Variants in PTPRD observed in about 807,000 individuals in gnomAD.
The protein encoded by PTPRD is receptor-type tyrosine-protein phosphatase delta.
PTPRD carries 34 observed loss-of-function variants against 214.5 expected under a neutral mutation model. The ratio of observed to expected loss-of-function variants is 0.16; its 90% CI spans 0.12 to 0.21. The LOEUF is 0.21. Among genes scored for constraint, PTPRD ranks in the 10% least tolerant of loss-of-function variants. PTPRD has a pLI of 1.00. For synonymous variants in PTPRD, 1,128 were observed against 845.7 expected (o/e 1.33, Z -5.79); for missense variants, 2,545 against 2,398.7 (o/e 1.06, Z -1.27).
intron 12 of PTPRD, among the ~76,000 whole-genome samples, chr9:8,642,983 G>C (rs2096610080): frequency 6.6e-6 from 1 of 152,266 alleles, no homozygotes; most frequent in African/African-American, 2.4e-5. Context: ...TTCCATAGCA[G>C]AGGTTCTACA....
At chr9:9,854,568 A>G (rs954247837) in intron 5 of PTPRD, among the ~76,000 whole-genome samples, 1 of 152,126 alleles carries the variant, frequency 6.6e-6, no homozygotes, top group East Asian at 1.9e-4. Flanking sequence ...ACTGGTATAT[A>G]TAAATTTAAC....
At chr9:8,595,733 G>A (rs998503771) in intron 14 of PTPRD, among the ~76,000 whole-genome samples, 1 of 152,140 alleles carries the variant, frequency 6.6e-6, no homozygotes, top group African/African-American at 2.4e-5. Context: ...CTGTATTGGA[G>A]GTCATAATAA....
At chr9:9,481,791 AG>A (rs2095425205) in intron 8 of PTPRD, among the ~76,000 whole-genome samples, 1 of 152,168 alleles carries the variant, frequency 6.6e-6, no homozygotes. Context: ...AGAGAATCAC[AG>A]AAACAGAGTT....
intron 11 of PTPRD, among the ~76,000 whole-genome samples, chr9:8,971,666 T>C (rs13289308): frequency 0.083 from 12,544 of 151,594 alleles, 568 homozygotes; most frequent in East Asian, 0.18. Context: ...AATCATCCTA[T>C]CTAACGAGAT....
intron 12 of PTPRD, among the ~76,000 whole-genome samples, chr9:8,698,066 T>C (rs764407073): frequency 3.7e-4 from 56 of 152,198 alleles, no homozygotes; most frequent in Non-Finnish European, 5.3e-4. Context: ...TATAAATTTG[T>C]GAAACTTTAT....
intron 2 of PTPRD, among the ~76,000 whole-genome samples, chr9:10,529,887 C>G (rs1482066541): frequency 6.6e-6 from 1 of 151,290 alleles, no homozygotes; most frequent in Admixed American, 6.6e-5. Context: ...GGGAACATCA[C>G]ACACTGGGGC....
intron 14 of PTPRD, among the ~76,000 whole-genome samples, chr9:8,582,808 G>A (rs1164451823): frequency 6.6e-6 from 1 of 152,158 alleles, no homozygotes; most frequent in African/African-American, 2.4e-5. Context: ...GACAATCACT[G>A]GAGACAAATG....
chr9:10,382,853 T>G (rs1436137538), intron 2 of PTPRD, among the ~76,000 whole-genome samples: 1 of 151,860 alleles, frequency 6.6e-6, no homozygotes, highest in East Asian at 1.9e-4. Context: ...TTTTTAAATT[T>G]TTTATATAAA....
At chr9:10,047,501 A>T (rs1196981937) in intron 3 of PTPRD, among the ~76,000 whole-genome samples, 1 of 152,060 alleles carries the variant, frequency 6.6e-6, no homozygotes, top group African/African-American at 2.4e-5. Flanking sequence ...TACAAAATGT[A>T]GCCAAGGAAA....
At chr9:8,926,098 C>CA (rs1567038694) in intron 11 of PTPRD, among the ~76,000 whole-genome samples, 2 of 151,972 alleles carry the variant, frequency 1.3e-5, no homozygotes, top group Non-Finnish European at 2.9e-5. Flanking sequence ...TAGTCATTCC[C>CA]AAGCTTCTTG....
intron 3 of PTPRD, among the ~76,000 whole-genome samples, chr9:10,271,899 T>C (rs1028256395): frequency 3.3e-5 from 5 of 152,174 alleles, no homozygotes; most frequent in African/African-American, 1.2e-4. Context: ...AAATTTTATT[T>C]GTCTGTATGT....
chr9:9,088,886 G>T (rs983134905), intron 10 of PTPRD, among the ~76,000 whole-genome samples: 2 of 152,066 alleles, frequency 1.3e-5, no homozygotes, highest in African/African-American at 4.8e-5. Flanking sequence ...TCCTCAATGT[G>T]TTATAATAGG....
intron 3 of PTPRD, among the ~76,000 whole-genome samples, chr9:10,168,394 A>C (rs2099172922): frequency 1.3e-5 from 2 of 152,086 alleles, no homozygotes; most frequent in Non-Finnish European, 2.9e-5. Context: ...GTAATGATCT[A>C]CACTATTATC....
chr9:8,401,019 TC>T (rs1405415572), intron 36 of PTPRD, among the ~76,000 whole-genome samples: 1 of 152,186 alleles, frequency 6.6e-6, no homozygotes, highest in Non-Finnish European at 1.5e-5. Context: ...CATTTTCTTT[TC>T]CTCATAAAAA....
At chr9:9,177,779 A>C (rs891925429) in intron 10 of PTPRD, among the ~76,000 whole-genome samples, 2 of 152,154 alleles carry the variant, frequency 1.3e-5, no homozygotes, top group East Asian at 3.9e-4. Flanking sequence ...GTCCCTATAA[A>C]AATGGCTTTG....
chr9:8,950,213 A>G (rs2099094045), intron 11 of PTPRD, among the ~76,000 whole-genome samples: 1 of 152,170 alleles, frequency 6.6e-6, no homozygotes, highest in Non-Finnish European at 1.5e-5. Context: ...GGAACAACCT[A>G]CTAAGTATCT....
chr9:10,263,300 A>C (rs2093818753), intron 3 of PTPRD, among the ~76,000 whole-genome samples: 2 of 152,178 alleles, frequency 1.3e-5, no homozygotes, highest in African/African-American at 2.4e-5. Context: ...GCTCAGAAGA[A>C]GACAGGAGTA....
At chr9:8,986,115 C>T (rs995298466) in intron 11 of PTPRD, among the ~76,000 whole-genome samples, 5 of 151,974 alleles carry the variant, frequency 3.3e-5, no homozygotes, top group Non-Finnish European at 7.4e-5. Flanking sequence ...GCAGTAATAC[C>T]AACCTTCAGT....
intron 9 of PTPRD, among the ~76,000 whole-genome samples, chr9:9,269,914 T>G (rs1942083111): frequency 6.6e-6 from 1 of 151,114 alleles, no homozygotes; most frequent in Non-Finnish European, 1.5e-5. Context: ...AGAAGGCGAA[T>G]AGGCTCGGGA....
Sources: gnomAD v4.1 joint callset for allele counts (sites outside exome capture counted in the v4.1 genomes callset) on GRCh38, gnomAD v4.1.1 for gene constraint, MANE v1.5 for transcripts, NCBI Gene and HGNC (gene_info 2026-07-23, HGNC 2026-07-21) for gene names.